The following POLK variants were observed in gnomAD, a reference collection of about 807,000 sequenced individuals.
POLK encodes the protein DNA polymerase kappa, also known as polymerase (DNA directed) kappa.
Under a neutral mutation model 94.0 loss-of-function variants are expected in POLK, and 76 were observed. That is an observed-to-expected ratio of 0.81 (90% CI 0.67 to 0.98). The LOEUF (loss-of-function observed/expected upper bound fraction) is 0.98, where lower values mean the gene tolerates loss of function less well. POLK is among the 50% of genes least tolerant of loss of function. POLK has a pLI of 0.00. For synonymous variants in POLK, 349 were observed against 325.4 expected, an observed-to-expected ratio of 1.07 and a Z score of -0.78; for missense variants, 954 against 1,010.1, an observed-to-expected ratio of 0.94 and a Z score of 0.75.
chr5:75,598,902 T>G (rs931890257), exon 15 of POLK: 2 of 152,136 alleles, frequency 1.3e-5, no homozygotes, highest in Non-Finnish European at 2.9e-5. Context: ...TTAGCTTAAG[T>G]AGTTTCTCCA....
Position 75,584,758 on chromosome 5 carries a change from A to G in POLK, c.1060-2A>G. 6.8e-7 allele frequency: 1 copy of G among 1,469,810 alleles called. No individual in the cohort carries two copies. Among genetic ancestry groups the G allele is most frequent in the Middle Eastern group, 1.8e-4 (1 of 5,666 alleles). The allele number at this position is 1,469,810 out of a possible 1,614,324, so 91.0% of individuals were successfully genotyped here. ...TAATAATAAATATTGATTCTTTTCT[A>G]GGTTTCTGGAATAGGAAAAGTTACA... On this transcript the variant is annotated splice_acceptor_variant, in intron 8 of 14. Coordinates refer to ENST00000241436, the Ensembl canonical transcript of POLK. LOFTEE classifies it high-confidence loss of function.
intron 1 of POLK, among the ~76,000 whole-genome samples, chr5:75,528,526 G>T (rs930747610): frequency 1.4e-4 from 21 of 152,170 alleles, no homozygotes; most frequent in Non-Finnish European, 2.5e-4. Context: ...TAAAATTAGA[G>T]TGTGGTGGAG....
Position 75,511,997 on chromosome 5 carries a change from A to T in POLK, c.-14+83A>T, listed in dbSNP as rs146072212. 1.6e-3 allele frequency: 905 copies of T among 580,552 alleles called. 8 individuals carry two copies. The East Asian group carries it at 0.018, about 12-fold the overall frequency. The allele number at this position is 580,552 out of a possible 1,614,324, so 36.0% of individuals were successfully genotyped here. On this transcript the variant is annotated intron_variant, in intron 1 of 14. Coordinates refer to ENST00000241436, the Ensembl canonical transcript of POLK. The stretch of plus-strand genomic sequence containing the variant: ...GGCTTCGTTTGACAGTTGCGTGACC[A>T]GCCCCTCGGCCTCGCTTCTATCCTT...
intron 1 of POLK, among the ~76,000 whole-genome samples, chr5:75,526,617 C>T (rs1288100948): frequency 2.7e-5 from 4 of 146,648 alleles, no homozygotes; most frequent in South Asian, 2.2e-4. Context: ...AGTCTCGCTC[C>T]GTCGCCCAGG....
At chr5:75,544,550 G>A (rs1165179723) in intron 1 of POLK, among the ~76,000 whole-genome samples, 1 of 152,152 alleles carries the variant, frequency 6.6e-6, no homozygotes, top group African/African-American at 2.4e-5. Context: ...GCTGAGGCAG[G>A]AGAATCGCTT....
intron 3 of POLK, among the ~76,000 whole-genome samples, chr5:75,565,769 G>T (rs576251615): frequency 4.6e-5 from 7 of 152,282 alleles, no homozygotes; most frequent in Admixed American, 2.0e-4. Flanking sequence ...TCCCAGAGGG[G>T]CACCATCAGA....
chr5:75,525,336 A>G (rs937256859), intron 1 of POLK, among the ~76,000 whole-genome samples: 1 of 152,222 alleles, frequency 6.6e-6, no homozygotes, highest in Non-Finnish European at 1.5e-5. Flanking sequence ...AAAAAATCAA[A>G]TGGAAACTGT....
At chr5:75,540,575 A>G (rs1769685008) in intron 1 of POLK, among the ~76,000 whole-genome samples, 1 of 152,154 alleles carries the variant, frequency 6.6e-6, no homozygotes, top group Non-Finnish European at 1.5e-5. Flanking sequence ...CTGTAATCAC[A>G]ACCCTGAGCC....
exon 8 of POLK, chr5:75,583,364 C>T (rs745787282): frequency 1.2e-5 from 20 of 1,605,076 alleles, no homozygotes; most frequent in Non-Finnish European, 1.7e-6. Flanking sequence ...ATACCAAATT[C>T]TTCCCAATAG....
Position 75,511,778 on chromosome 5 carries a change from C to T in POLK, c.-150C>T, listed in dbSNP as rs1268269861. On this transcript the variant is annotated 5_prime_UTR_variant, in exon 1 of 15. Coordinates refer to ENST00000241436, the Ensembl canonical transcript of POLK. Reference sequence around the variant, plus strand: ...CCCTACCTCCGGCTCTCCCGGGTGACGACGGGTAGAAAAGCAGGAGGAGCG... The same window carrying T: ...CCCTACCTCCGGCTCTCCCGGGTGATGACGGGTAGAAAAGCAGGAGGAGCG... 2.6e-6 allele frequency: 4 copies of T among 1,551,444 alleles called. No homozygotes were observed. The highest frequency in any genetic ancestry group is 8.7e-7 in the Non-Finnish European group (1 of 1,146,890).
chr5:75,530,422 T>C (rs1375896281), intron 1 of POLK, among the ~76,000 whole-genome samples: 2 of 138,110 alleles, frequency 1.4e-5, no homozygotes, highest in Non-Finnish European at 3.1e-5. Flanking sequence ...TTTTTTTTTT[T>C]GAGTTGGAAT....
intron 6 of POLK, among the ~76,000 whole-genome samples, chr5:75,578,941 A>C (rs1204923596): frequency 6.6e-6 from 1 of 152,164 alleles, no homozygotes; most frequent in Non-Finnish European, 1.5e-5. Context: ...CTTTAATCCT[A>C]GTGTTACATT....
At chr5:75,542,894 G>C (rs570550243) in intron 1 of POLK, among the ~76,000 whole-genome samples, 1 of 148,696 alleles carries the variant, frequency 6.7e-6, no homozygotes, top group Non-Finnish European at 1.5e-5. Flanking sequence ...TATATTTTTA[G>C]TAGAGATGGG....
At chr5:75,593,420 C>T (rs1445082509) in intron 11 of POLK, among the ~76,000 whole-genome samples, 1 of 152,132 alleles carries the variant, frequency 6.6e-6, no homozygotes, top group African/African-American at 2.4e-5. Flanking sequence ...TGCAGCCGGC[C>T]TCTTATTCTT....
chr5:75,542,759 G>A (rs1027834710), intron 1 of POLK, among the ~76,000 whole-genome samples: 16 of 149,342 alleles, frequency 1.1e-4, no homozygotes, highest in African/African-American at 2.7e-4. Flanking sequence ...GTGCAGTGGC[G>A]TGATCTCGGC....
downstream of POLK, among the ~76,000 whole-genome samples, chr5:75,605,542 C>T (rs746367668): frequency 3.3e-5 from 5 of 152,142 alleles, no homozygotes; most frequent in East Asian, 1.9e-4. Flanking sequence ...TGAAACCATC[C>T]GCAAGTCTGA....
At chr5:75,596,113 CT>C (rs1306408421) in intron 12 of POLK, 108 bp from the exon 13 acceptor site, 2 of 651,706 alleles carry the variant, frequency 3.1e-6, no homozygotes, top group African/African-American at 3.6e-5. Flanking sequence ...TATAGTTTCT[CT>C]CTAGCCAACC....
exon 4 of POLK, chr5:75,569,436 A>G (rs1771466732): frequency 1.2e-6 from 2 of 1,613,602 alleles, no homozygotes; most frequent in African/African-American, 2.7e-5. Flanking sequence ...TGTAGAAATG[A>G]GGGACAATCC....
intron 1 of POLK, among the ~76,000 whole-genome samples, chr5:75,543,010 C>CTTAT (rs61605357): frequency 0.26 from 33,717 of 130,342 alleles, 5,353 homozygotes; most frequent in African/African-American, 0.41. Context: ...CGCGCCCAGC[C>CTTAT]TTATTTATTT....
Sources: allele counts gnomAD v4.1 joint callset (sites outside exome capture counted in the v4.1 genomes callset), GRCh38; gene constraint gnomAD v4.1.1; transcripts MANE v1.5; gene names NCBI Gene and HGNC (gene_info 2026-07-23, HGNC 2026-07-21).